Variants in ADK observed in about 807,000 individuals in gnomAD.
The protein encoded by ADK is N6,N6-dimethyladenosine kinase.
ADK carries 24 observed loss-of-function variants against 44.7 expected under a neutral mutation model. That is an observed-to-expected ratio of 0.54 (90% CI 0.39 to 0.76). The LOEUF is 0.76. Ranked by LOEUF, ADK falls within the 30% of genes least tolerant of loss-of-function variation. ADK has a pLI of 0.00. For synonymous variants in ADK, 128 were observed against 142.6 expected (o/e 0.90, Z 0.73); for missense variants, 321 against 425.1 (o/e 0.76, Z 2.15).
intron 9 of ADK, among the ~76,000 whole-genome samples, chr10:74,645,254 T>C (rs1737552199): frequency 6.6e-6 from 1 of 152,230 alleles, no homozygotes; most frequent in South Asian, 2.1e-4. Flanking sequence ...TTATGGTATT[T>C]TTCTACTTCT....
intron 3 of ADK, among the ~76,000 whole-genome samples, chr10:74,302,116 T>G (rs1564642309): frequency 1.3e-4 from 6 of 45,192 alleles, no homozygotes; most frequent in Admixed American, 4.7e-4. Flanking sequence ...TTTGTTTTTT[T>G]TTTTTTTTTT....
At position 74,274,732 on chromosome 10, in the gene ADK, G is replaced by GTGTGTATATATATATATATATATATATA. The variant is rs1554836801; in HGVS notation, c.195-39934_195-39933insGTGTATATATATATATATATATATATAT. Among the ~76,000 whole-genome samples the GTGTGTATATATATATATATATATATATA allele has an allele frequency of 6.5e-4, 55 of 84,174 alleles. 1 individual carries two copies. Among genetic ancestry groups the GTGTGTATATATATATATATATATATATA allele is most frequent in the African/African-American group, 2.1e-3 (48 of 22,984 alleles). The allele number at this position is 84,174 out of a possible 152,430, so 55.2% of individuals were successfully genotyped here. A position where few individuals can be genotyped will look rare whatever the true frequency, so the allele number is the denominator to read the frequency against. On this transcript the variant is annotated intron_variant, in intron 3 of 10. Coordinates refer to ENST00000539909, the MANE Select transcript of ADK (RefSeq NM_006721.4). ...TAGTAGGAGAAAAATTTTAATGTGT[G>GTGTGTATATATATATATATATATATATA]TATATATATATATATACACACACAC... is the stretch of plus-strand genomic sequence containing the variant.
At chr10:74,611,160 A>G (rs1852526531) in intron 9 of ADK, among the ~76,000 whole-genome samples, 1 of 151,530 alleles carries the variant, frequency 6.6e-6, no homozygotes. Context: ...AGTAGCCGGG[A>G]CTACAGGTGC....
intron 9 of ADK, among the ~76,000 whole-genome samples, chr10:74,645,403 A>G (rs1854019236): frequency 6.6e-6 from 1 of 152,166 alleles, no homozygotes; most frequent in South Asian, 2.1e-4. Flanking sequence ...TTTAATTAGT[A>G]AAGTGCAATA....
chr10:74,434,533 G>A (rs894930656), intron 6 of ADK, among the ~76,000 whole-genome samples: 1 of 152,138 alleles, frequency 6.6e-6, no homozygotes, highest in African/African-American at 2.4e-5. Flanking sequence ...AGCAGAGGAA[G>A]TTGACTTTAT....
At chr10:74,165,941 A>G (rs1249938049) in intron 1 of ADK, among the ~76,000 whole-genome samples, 2 of 152,084 alleles carry the variant, frequency 1.3e-5, no homozygotes, top group Non-Finnish European at 1.5e-5. Context: ...TTAGTAGATT[A>G]TATTTTCTTT....
chr10:74,443,858 T>C (rs1165896644), intron 6 of ADK, among the ~76,000 whole-genome samples: 2 of 152,144 alleles, frequency 1.3e-5, no homozygotes, highest in African/African-American at 4.8e-5. Flanking sequence ...GCATGTAACC[T>C]CTTGAAGAAA....
At position 74,526,492 on chromosome 10, in the gene ADK, C is replaced by T. The variant is rs186114692; in HGVS notation, c.726+1066C>T. Among the ~76,000 whole-genome samples, 364 of 152,262 alleles carry T rather than the reference C, an allele frequency of 2.4e-3. 2 individuals carry two copies. The highest frequency in any genetic ancestry group is 3.2e-3 in the Non-Finnish European group (219 of 68,014). ...TATACAATGAAGGTATTGTATTAAT[C>T]ATCCCAGAAGTTCATTCTGATTCTA... On this transcript the variant is annotated intron_variant, in intron 7 of 10. Coordinates refer to ENST00000539909, the MANE Select transcript of ADK (RefSeq NM_006721.4).
chr10:74,301,824 G>A (rs1474063000), intron 3 of ADK, among the ~76,000 whole-genome samples: 2 of 151,954 alleles, frequency 1.3e-5, no homozygotes, highest in African/African-American at 4.8e-5. Context: ...GCATTGGGTT[G>A]AGTATCCTTT....
At chr10:74,218,829 G>C (rs2132222422) in intron 2 of ADK, among the ~76,000 whole-genome samples, 1 of 152,264 alleles carries the variant, frequency 6.6e-6, no homozygotes, top group East Asian at 1.9e-4. Flanking sequence ...AAGAGATTTT[G>C]TCACCACCAG....
At position 74,589,316 on chromosome 10, in the gene ADK, AG is replaced by A; in HGVS notation, c.762+1del. The A allele has an allele frequency of 6.2e-7, 1 of 1,613,582 alleles. No homozygotes were observed. Among genetic ancestry groups the A allele is most frequent in the Non-Finnish European group, 8.5e-7 (1 of 1,179,800 alleles). ...ACTTTTGCTAGAGAGCAAGGCTTTG[AG>A]GTGAGTTAACCCACAATTGCACACT... Reference protein sequence around the residue: ...AATFAREQGFETKDIKEIAKK... With the variant: ...AATFAREQGFXTKDIKEIAKK... On this transcript the variant is annotated frameshift_variant and splice_region_variant, in exon 8 of 11. Transcript: ENST00000539909. LOFTEE classifies it high-confidence loss of function.
chr10:74,696,103 C>T (rs1473862597), intron 10 of ADK, among the ~76,000 whole-genome samples: 2 of 152,110 alleles, frequency 1.3e-5, no homozygotes, highest in African/African-American at 2.4e-5. Context: ...TCAACACAAC[C>T]TCCACCTCCC....
At chr10:74,487,884 A>T (rs1847321673) in intron 6 of ADK, among the ~76,000 whole-genome samples, 1 of 152,050 alleles carries the variant, frequency 6.6e-6, no homozygotes, top group Non-Finnish European at 1.5e-5. Flanking sequence ...TCTAAAAATC[A>T]TATGTTTTCA....
chr10:74,521,340 A>G (rs1240733160), intron 6 of ADK, among the ~76,000 whole-genome samples: 3 of 152,220 alleles, frequency 2.0e-5, no homozygotes, highest in Admixed American at 1.3e-4. Context: ...TACTATCCAT[A>G]TCACAAGACT....
intron 3 of ADK, among the ~76,000 whole-genome samples, chr10:74,244,013 T>C (rs1845322081): frequency 6.6e-6 from 1 of 152,116 alleles, no homozygotes; most frequent in African/African-American, 2.4e-5. Context: ...AAAAAACTAA[T>C]ACCACCACAA....
intron 9 of ADK, among the ~76,000 whole-genome samples, chr10:74,653,426 T>TG (rs1310883614): frequency 2.0e-5 from 3 of 152,156 alleles, no homozygotes; most frequent in African/African-American, 7.2e-5. Flanking sequence ...CTGTCCAGCC[T>TG]GGGTGACAGA....
chr10:74,586,808 C>T (rs1200943267), intron 7 of ADK, among the ~76,000 whole-genome samples: 27 of 150,434 alleles, frequency 1.8e-4, no homozygotes, highest in Admixed American at 1.5e-3. Flanking sequence ...GAGCTGAGAT[C>T]GCACCACTGC....
chr10:74,699,389 AGAGT>A (rs1856332846), intron 10 of ADK, among the ~76,000 whole-genome samples: 1 of 152,068 alleles, frequency 6.6e-6, no homozygotes, highest in Non-Finnish European at 1.5e-5. Context: ...TTTTAAAAAT[AGAGT>A]GAGGCCAGGC....
chr10:74,272,223 A>T (rs1469144148), intron 3 of ADK, among the ~76,000 whole-genome samples: 3 of 152,032 alleles, frequency 2.0e-5, no homozygotes, highest in African/African-American at 7.2e-5. Flanking sequence ...TTCTTTGAAA[A>T]TGTAGATTTA....
Sources: allele counts gnomAD v4.1 joint callset (sites outside exome capture counted in the v4.1 genomes callset), GRCh38; gene constraint gnomAD v4.1.1; transcripts MANE v1.5; gene names NCBI Gene and HGNC (gene_info 2026-07-23, HGNC 2026-07-21).